SMCHD1: variants seen among roughly 807,000 people sequenced by gnomAD.
The protein encoded by SMCHD1 is structural maintenance of chromosomes flexible hinge domain-containing protein 1.
SMCHD1 carries 78 observed loss-of-function variants against 254.7 expected under a neutral mutation model. The ratio of observed to expected loss-of-function variants is 0.31; its 90% CI spans 0.26 to 0.37. The LOEUF is 0.37. Among genes scored for constraint, SMCHD1 ranks in the 10% least tolerant of loss-of-function variants. The pLI is 1.00. For synonymous variants in SMCHD1, 766 were observed against 794.9 expected (o/e 0.96, Z 0.61); for missense variants, 1,840 against 2,408.1 (o/e 0.76, Z 4.94).
At position 2,705,710 on chromosome 18, in the gene SMCHD1, C is replaced by T; in HGVS notation, c.1859C>T (p.Thr620Ile). Reference protein sequence around the residue: ...KAGQLVKTIKTLPLFYGSIVR... With the variant: ...KAGQLVKTIKILPLFYGSIVR... ...AAATATTAGGTCAAGACAATCAAGA[C>T]ACTTCCCCTCTTTTATGGAAGCATA... Residue 620 changes from threonine (T) to isoleucine (I), a missense_variant, in exon 14 of 48, where the codon ACA becomes ATA. Physicochemically the swap from Thr to Ile is moderately conservative, Grantham distance 89. This residue lies in a region of SMCHD1 where 498 missense variants were observed against 743.5 expected (regional missense o/e 0.67). Transcript: ENST00000320876. 1 of 1,572,648 alleles carries T rather than the reference C, an allele frequency of 6.4e-7. No homozygotes were observed. Among genetic ancestry groups the T allele is most frequent in the Non-Finnish European group, 8.7e-7 (1 of 1,147,630 alleles).
intron 20 of SMCHD1, among the ~76,000 whole-genome samples, chr18:2,723,812 T>G (rs1413687518): frequency 1.3e-5 from 2 of 152,148 alleles, no homozygotes; most frequent in African/African-American, 4.8e-5. Flanking sequence ...TTCATCAGTC[T>G]TTTTGCTTGT....
At chr18:2,758,286 T>C (rs751147477) in intron 34 of SMCHD1, among the ~76,000 whole-genome samples, 5 of 152,220 alleles carry the variant, frequency 3.3e-5, no homozygotes, top group Non-Finnish European at 7.3e-5. Context: ...AGTTATACAA[T>C]CTTTCACTGT....
intron 5 of SMCHD1, among the ~76,000 whole-genome samples, chr18:2,675,280 T>TTC (rs1450348076): frequency 1.3e-5 from 2 of 149,534 alleles, no homozygotes; most frequent in African/African-American, 5.0e-5. Context: ...TTTTTTTTTT[T>TTC]TGGAGACAGA....
intron 29 of SMCHD1, among the ~76,000 whole-genome samples, chr18:2,746,429 TTGATTAGGAATGAA>T (rs2075454256): frequency 1.3e-5 from 2 of 152,172 alleles, no homozygotes; most frequent in African/African-American, 4.8e-5. Context: ...AAACAGTTAT[TTGATTAGGAATGAA>T]ATACTGTATG....
intron 37 of SMCHD1, 82 bp from the exon 38 acceptor site, chr18:2,769,612 C>T (rs1598425848): frequency 1.4e-6 from 2 of 1,424,212 alleles, no homozygotes; most frequent in African/African-American, 1.4e-5. Flanking sequence ...TTGAAAACAG[C>T]ATAATGAGTT....
At chr18:2,728,922 G>C (rs1342196092) in intron 23 of SMCHD1, 5 of 211,576 alleles carry the variant, frequency 2.4e-5, no homozygotes, top group Non-Finnish European at 4.4e-5. Context: ...TGCCTATGGA[G>C]TAGCCATTCT....
chr18:2,668,032 A>G (rs1374418875), intron 3 of SMCHD1, among the ~76,000 whole-genome samples: 1 of 152,080 alleles, frequency 6.6e-6, no homozygotes, highest in African/African-American at 2.4e-5. Context: ...GGCAGGCACC[A>G]CCACGCCTGG....
At chr18:2,770,815 T>C (rs1435870655) in intron 39 of SMCHD1, among the ~76,000 whole-genome samples, 1 of 152,080 alleles carries the variant, frequency 6.6e-6, no homozygotes, top group Non-Finnish European at 1.5e-5. Flanking sequence ...GAGACGGGGT[T>C]TCACCATGTT....
At chr18:2,742,232 C>T (rs1302108900) in intron 28 of SMCHD1, among the ~76,000 whole-genome samples, 1 of 152,202 alleles carries the variant, frequency 6.6e-6, no homozygotes, top group African/African-American at 2.4e-5. Flanking sequence ...CTTTACTCTC[C>T]AGCCAAGTGG....
intron 5 of SMCHD1, among the ~76,000 whole-genome samples, chr18:2,681,288 T>A (rs1463525123): frequency 6.6e-6 from 1 of 151,316 alleles, no homozygotes; most frequent in East Asian, 2.0e-4. Context: ...TGGTGTGTGC[T>A]GGTAATCCCA....
chr18:2,734,816 TC>T (rs2075214886), intron 25 of SMCHD1, among the ~76,000 whole-genome samples: 1 of 152,138 alleles, frequency 6.6e-6, no homozygotes, highest in South Asian at 2.1e-4. Context: ...ACACCTGTAA[TC>T]CTAGCACTTT....
chr18:2,736,532 T>A (rs117970675), intron 25 of SMCHD1, among the ~76,000 whole-genome samples: 1,612 of 152,162 alleles, frequency 0.011, 16 homozygotes, highest in Non-Finnish European at 0.018. Flanking sequence ...ATAACCAGAA[T>A]CTATAAGGAA....
At chr18:2,703,631 G>A in intron 12 of SMCHD1, 61 bp from the exon 13 acceptor site, 4 of 1,345,834 alleles carry the variant, frequency 3.0e-6, no homozygotes, top group East Asian at 2.3e-5. Context: ...AATGACAAAT[G>A]TTTATGGTTA....
In SMCHD1 at chr18:2,748,380, G is replaced by GTATGTA. The variant is rs200345949; in HGVS notation, c.3927+734_3927+735insATGTAT. Among the ~76,000 whole-genome samples the GTATGTA allele has an allele frequency of 7.5e-5, 6 of 80,276 alleles. 1 individual carries two copies. The highest frequency in any genetic ancestry group is 1.3e-4 in the Non-Finnish European group (6 of 46,498). The allele number at this position is 80,276 out of a possible 152,430, so 52.7% of individuals were successfully genotyped here. A position where few individuals can be genotyped will look rare whatever the true frequency, so the allele number is the denominator to read the frequency against. On this transcript the variant is annotated intron_variant, in intron 30 of 47. Coordinates refer to ENST00000320876, the MANE Select transcript of SMCHD1 (RefSeq NM_015295.3). ...TGTGTGTGTGTGTGTGTGTGTGTGT[G>GTATGTA]TGTATATAAATTTTTTTTTTTTTTT...
rs1396486198 is a variant in SMCHD1 at position 2,787,273 on chromosome 18, A to ACTAAT, written c.5719+2656_5719+2660dup. Among the ~76,000 whole-genome samples the ACTAAT allele has an allele frequency of 3.9e-5, 6 of 152,266 alleles. No homozygotes were observed. The East Asian group carries it at 1.2e-3, about 29-fold the overall frequency. ...AATTCACTCACTCCCAAGGGATGGCACTAATCTATTCATGAGGGATCTGCC... is the reference window on the plus strand; with the variant it reads ...AATTCACTCACTCCCAAGGGATGGCACTAATCTAATCTATTCATGAGGGATCTGCC... On this transcript the variant is annotated intron_variant, in intron 45 of 47. Coordinates refer to ENST00000320876, the MANE Select transcript of SMCHD1 (RefSeq NM_015295.3).
intron 34 of SMCHD1, among the ~76,000 whole-genome samples, chr18:2,755,917 A>G (rs1007497510): frequency 5.9e-5 from 9 of 152,240 alleles, no homozygotes; most frequent in African/African-American, 2.2e-4. Flanking sequence ...TTACAGCAAA[A>G]TGTTAAATAG....
Position 2,656,091 on chromosome 18 carries a change from G to C in SMCHD1, c.16G>C (p.Gly6Arg). Reference protein sequence around the residue: MAAADGGGPGGASVGT... With the variant: MAAADRGGPGGASVGT... Reference sequence around the variant, plus strand: ...TTTCCCCAATATGGCAGCGGCGGACGGCGGCGGGCCTGGTGGGGCCTCTGT... The same window carrying C: ...TTTCCCCAATATGGCAGCGGCGGACCGCGGCGGGCCTGGTGGGGCCTCTGT... Residue 6 changes from glycine to arginine, a missense_variant, in exon 1 of 48, where the codon GGC (glycine) becomes CGC (arginine). This residue lies in a region of SMCHD1 where 115 missense variants were observed against 99.1 expected (regional missense o/e 1.16). Transcript: ENST00000320876. The C allele has an allele frequency of 7.1e-7, 1 of 1,403,782 alleles. No homozygotes were observed. Among genetic ancestry groups the C allele is most frequent in the South Asian group, 1.6e-5 (1 of 60,784 alleles). The allele number at this position is 1,403,782 out of a possible 1,614,324, so 87.0% of individuals were successfully genotyped here.
In SMCHD1 at chr18:2,803,485, A is replaced by C. The variant is rs2076399793; in HGVS notation, c.*933A>C. On this transcript the variant is annotated 3_prime_UTR_variant, in exon 48 of 48. Coordinates refer to ENST00000320876, the MANE Select transcript of SMCHD1 (RefSeq NM_015295.3). ...TCTTTGTGTAAGTTCAAGACTATTGATCTGTGAAGTTATTTTGTAAGGACA... is the reference window on the plus strand; with the variant it reads ...TCTTTGTGTAAGTTCAAGACTATTGCTCTGTGAAGTTATTTTGTAAGGACA... 1.3e-5 allele frequency: 2 copies of C among 151,994 alleles called. No homozygotes were observed. Among genetic ancestry groups the C allele is most frequent in the African/African-American group, 4.8e-5 (2 of 41,408 alleles). 9.4% of individuals were successfully genotyped at this position (151,994 alleles called of 1,614,324 possible). A position where few individuals can be genotyped will look rare whatever the true frequency, so the allele number is the denominator to read the frequency against.
At chr18:2,700,477 T>C in intron 10 of SMCHD1, 62 bp from the exon 11 acceptor site, 1 of 1,494,656 alleles carries the variant, frequency 6.7e-7, no homozygotes, top group Non-Finnish European at 9.0e-7. Flanking sequence ...TTTATGTGTT[T>C]GTTTCATTAT....
Sources: gnomAD v4.1 joint callset for allele counts (sites outside exome capture counted in the v4.1 genomes callset) on GRCh38, gnomAD v4.1.1 for gene constraint, gnomAD v4.1.1 regional missense constraint, MANE v1.5 for transcripts, NCBI Gene and HGNC (gene_info 2026-07-23, HGNC 2026-07-21) for gene names.